Variants in RBFOX1 observed in about 807,000 individuals in gnomAD.
The protein encoded by RBFOX1 is RNA binding protein fox-1 homolog 1.
RBFOX1 carries 8 observed loss-of-function variants against 57.7 expected under a neutral mutation model. The observed-to-expected ratio is 0.14, with a 90% CI of 0.08 to 0.25. The LOEUF is 0.25. Ranked by LOEUF, RBFOX1 falls within the 10% of genes least tolerant of loss-of-function variation. The probability of loss-of-function intolerance (pLI) is 1.00; values close to 1 mark genes in which losing one functional copy is unlikely to be tolerated. For synonymous variants in RBFOX1, 326 were observed against 222.4 expected, an observed-to-expected ratio of 1.47 and a Z score of -4.15; for missense variants, 611 against 548.5, an observed-to-expected ratio of 1.11 and a Z score of -1.14.
At chr16:6,811,797 G>C (rs1021219405) in intron 3 of RBFOX1, among the ~76,000 whole-genome samples, 6 of 152,192 alleles carry the variant, frequency 3.9e-5, no homozygotes, top group African/African-American at 1.4e-4. Context: ...GCTGAGGCAG[G>C]AGAATCGCTT....
At chr16:6,440,750 G>A (rs967356832) in intron 2 of RBFOX1, among the ~76,000 whole-genome samples, 4 of 149,610 alleles carry the variant, frequency 2.7e-5, no homozygotes, top group Non-Finnish European at 4.4e-5. Context: ...TCAATGAGCC[G>A]AGATCGTGCC....
chr16:6,063,154 G>A (rs116901160), intron 1 of RBFOX1, among the ~76,000 whole-genome samples: 153 of 152,090 alleles, frequency 1.0e-3, no homozygotes, highest in Non-Finnish European at 2.0e-3. Context: ...TAACACATAC[G>A]CTGACCATCC....
chr16:6,896,464 A>G (rs965872381), intron 3 of RBFOX1, among the ~76,000 whole-genome samples: 2 of 152,156 alleles, frequency 1.3e-5, no homozygotes, highest in Admixed American at 6.5e-5. Context: ...CTGTCTATGT[A>G]CATGAGTTCA....
chr16:7,167,555 G>A (rs915485761), intron 4 of RBFOX1, among the ~76,000 whole-genome samples: 3 of 152,068 alleles, frequency 2.0e-5, no homozygotes, highest in Admixed American at 1.3e-4. Flanking sequence ...GTGCGACCCC[G>A]CCAGTACCTT....
chr16:7,041,594 G>A (rs2046209007), intron 3 of RBFOX1, among the ~76,000 whole-genome samples: 1 of 152,116 alleles, frequency 6.6e-6, no homozygotes. Context: ...TCTACATAGT[G>A]ATAACTGCCA....
At chr16:6,701,027 T>G (rs1157845878) in intron 3 of RBFOX1, among the ~76,000 whole-genome samples, 1 of 142,670 alleles carries the variant, frequency 7.0e-6, no homozygotes, top group East Asian at 2.5e-4. Context: ...GAGAGCAGAG[T>G]TGGGCAGAGG....
chr16:5,532,448 C>T (rs546580766), intron 2 of RBFOX1, among the ~76,000 whole-genome samples: 1 of 152,214 alleles, frequency 6.6e-6, no homozygotes, highest in African/African-American at 2.4e-5. Context: ...ACTCACTGAT[C>T]TGAACCTGCA....
At chr16:6,824,496 A>T (rs945579154) in intron 3 of RBFOX1, among the ~76,000 whole-genome samples, 1 of 152,178 alleles carries the variant, frequency 6.6e-6, no homozygotes, top group African/African-American at 2.4e-5. Context: ...TTTGTAGTAA[A>T]TTCTATATTT....
At chr16:7,310,914 G>A (rs1476961216) in intron 4 of RBFOX1, among the ~76,000 whole-genome samples, 1 of 152,130 alleles carries the variant, frequency 6.6e-6, no homozygotes, top group Non-Finnish European at 1.5e-5. Context: ...TCATCTCTTT[G>A]CCATCTTGTG....
At chr16:6,243,548 G>A (rs773296062) in intron 1 of RBFOX1, among the ~76,000 whole-genome samples, 3 of 152,108 alleles carry the variant, frequency 2.0e-5, no homozygotes, top group Admixed American at 1.3e-4. Flanking sequence ...GTCAGTCCTC[G>A]TTCAGCAAGA....
intron 3 of RBFOX1, among the ~76,000 whole-genome samples, chr16:6,669,764 T>C (rs903459240): frequency 1.2e-4 from 19 of 152,166 alleles, no homozygotes; most frequent in African/African-American, 4.1e-4. Context: ...ACCTTCAGAA[T>C]AGAAAAGGTC....
chr16:7,283,448 C>A (rs1402250366), intron 4 of RBFOX1, among the ~76,000 whole-genome samples: 1 of 151,974 alleles, frequency 6.6e-6, no homozygotes, highest in Non-Finnish European at 1.5e-5. Flanking sequence ...ATGATGGTGC[C>A]TCTTCCGTGG....
intron 3 of RBFOX1, among the ~76,000 whole-genome samples, chr16:5,785,882 C>T (rs9926798): frequency 0.31 from 47,233 of 151,916 alleles, 8,334 homozygotes; most frequent in East Asian, 0.55. Context: ...ACTGTCATTA[C>T]GTTAGACCAC....
intron 1 of RBFOX1, among the ~76,000 whole-genome samples, chr16:6,127,751 G>T (rs903261578): frequency 6.6e-6 from 1 of 152,170 alleles, no homozygotes; most frequent in Non-Finnish European, 1.5e-5. Flanking sequence ...GGAAAAATGG[G>T]ATGTTAATAA....
chr16:7,589,188 C>T (rs1405087667), intron 7 of RBFOX1, among the ~76,000 whole-genome samples: 2 of 152,198 alleles, frequency 1.3e-5, no homozygotes, highest in East Asian at 1.9e-4. Context: ...TGACCAACTT[C>T]GTTCTGACCC....
In RBFOX1 at chr16:5,335,273, T is replaced by G. The variant is rs994535727; in HGVS notation, c.219+95168T>G. ...CACAGAGATTAGCCTTTTGGTTCAT[T>G]CATTGCATAAAGAGTTTATTGAAAG... On this transcript the variant is annotated intron_variant, in intron 1 of 2. Transcript: ENST00000585867. Among the ~76,000 whole-genome samples, 45 of 152,228 alleles carry G rather than the reference T, an allele frequency of 3.0e-4. 1 individual carries two copies. The highest frequency in any genetic ancestry group is 2.9e-3 in the Admixed American group (45 of 15,290).
chr16:6,909,810 G>A (rs764210671), intron 3 of RBFOX1, among the ~76,000 whole-genome samples: 1 of 152,164 alleles, frequency 6.6e-6, no homozygotes, highest in South Asian at 2.1e-4. Flanking sequence ...TCGGTCTTCT[G>A]TTGATCTAAA....
At chr16:5,447,380 C>CAA (rs766640829) in intron 1 of RBFOX1, among the ~76,000 whole-genome samples, 6 of 69,040 alleles carry the variant, frequency 8.7e-5, no homozygotes, top group South Asian at 6.1e-4. Context: ...ATCAATCAAT[C>CAA]TCTCTCTCTC....
chr16:6,088,372 T>A (rs1210347123), intron 1 of RBFOX1, among the ~76,000 whole-genome samples: 1 of 152,214 alleles, frequency 6.6e-6, no homozygotes, highest in Non-Finnish European at 1.5e-5. Flanking sequence ...TGTTCTCTGA[T>A]GTGATTTAGT....
Sources: gnomAD v4.1 joint callset for allele counts (sites outside exome capture counted in the v4.1 genomes callset) on GRCh38, gnomAD v4.1.1 for gene constraint, MANE v1.5 for transcripts, NCBI Gene and HGNC (gene_info 2026-07-23, HGNC 2026-07-21) for gene names.